STK33: variants seen among roughly 807,000 people sequenced by gnomAD.
STK33 encodes serine/threonine-protein kinase 33.
STK33 carries 52 observed loss-of-function variants against 58.0 expected under a neutral mutation model. The ratio of observed to expected loss-of-function variants is 0.90; its 90% CI spans 0.72 to 1.13. The LOEUF (loss-of-function observed/expected upper bound fraction) is 1.13. Ranked by LOEUF, STK33 falls within the 50% of genes most tolerant of loss-of-function variation. The pLI is 0.00. For missense variants in STK33, 630 were observed against 604.2 expected, an observed-to-expected ratio of 1.04 and a Z score of -0.45; for synonymous variants, 215 against 200.1, an observed-to-expected ratio of 1.07 and a Z score of -0.63.
At chr11:8,493,575 A>T in intron 1 of STK33, among the ~76,000 whole-genome samples, 1 of 152,182 alleles carries the variant, frequency 6.6e-6, no homozygotes, top group South Asian at 2.1e-4. Flanking sequence ...GAAAAAGAGA[A>T]AATCCTCCCT....
intron 13 of STK33, among the ~76,000 whole-genome samples, 198 bp from the exon 14 acceptor site, chr11:8,435,777 T>C (rs1943987959): frequency 6.6e-6 from 1 of 152,226 alleles, no homozygotes; most frequent in Non-Finnish European, 1.5e-5. Flanking sequence ...CCTAGTTTAA[T>C]GGTCTATAGT....
chr11:8,438,155 A>C (rs1050388258), intron 12 of STK33, among the ~76,000 whole-genome samples: 2 of 152,190 alleles, frequency 1.3e-5, no homozygotes, highest in Admixed American at 6.5e-5. Flanking sequence ...CATCTTAAAA[A>C]ATTCACTTTT....
chr11:8,514,684 C>T (rs1952620584), intron 1 of STK33, among the ~76,000 whole-genome samples: 1 of 152,196 alleles, frequency 6.6e-6, no homozygotes, highest in South Asian at 2.1e-4. Context: ...ACTGGTTATA[C>T]CCACAGGCGC....
chr11:8,491,066 C>G (rs1476781644), intron 1 of STK33, among the ~76,000 whole-genome samples: 1 of 152,146 alleles, frequency 6.6e-6, no homozygotes, highest in Non-Finnish European at 1.5e-5. Flanking sequence ...TCGCCAGTAA[C>G]AGAACAAAGC....
chr11:8,338,157 T>G, the STK33 span, among the ~76,000 whole-genome samples: 327 of 152,322 alleles, frequency 2.1e-3, no homozygotes, highest in Non-Finnish European at 3.0e-3. Flanking sequence ...AACAAATAAA[T>G]TGTCCAGTGT....
the STK33 span, among the ~76,000 whole-genome samples, chr11:8,349,444 C>G: frequency 6.6e-6 from 1 of 152,226 alleles, no homozygotes; most frequent in Non-Finnish European, 1.5e-5. Context: ...CATCCCAGGC[C>G]TCACATGCAG....
intron 1 of STK33, among the ~76,000 whole-genome samples, chr11:8,563,899 A>C (rs1030507632): frequency 6.6e-6 from 1 of 152,150 alleles, no homozygotes; most frequent in South Asian, 2.1e-4. Flanking sequence ...GGCAGATTTG[A>C]GGAAATTAAA....
chr11:8,418,826 G>C (rs549343795), intron 14 of STK33, among the ~76,000 whole-genome samples: 1 of 152,114 alleles, frequency 6.6e-6, no homozygotes, highest in East Asian at 1.9e-4. Flanking sequence ...GTCTTGATTT[G>C]AATTTCTCTA....
intron 1 of STK33, among the ~76,000 whole-genome samples, chr11:8,543,684 T>C (rs527518245): frequency 2.4e-4 from 37 of 152,204 alleles, no homozygotes; most frequent in Non-Finnish European, 4.0e-4. Flanking sequence ...TACTATTTGA[T>C]AGCACAACAG....
At chr11:8,405,367 C>T (rs1045049111) in intron 15 of STK33, among the ~76,000 whole-genome samples, 3 of 152,168 alleles carry the variant, frequency 2.0e-5, no homozygotes, top group Non-Finnish European at 4.4e-5. Context: ...TGCTTATTGA[C>T]TACTTGTATA....
At chr11:8,375,435 T>C in the STK33 span, among the ~76,000 whole-genome samples, 2 of 152,220 alleles carry the variant, frequency 1.3e-5, no homozygotes, top group African/African-American at 2.4e-5. Flanking sequence ...GATATACTCC[T>C]GGAACTTGTG....
chr11:8,380,134 G>A, the STK33 span, among the ~76,000 whole-genome samples: 1 of 152,070 alleles, frequency 6.6e-6, no homozygotes, highest in Non-Finnish European at 1.5e-5. Context: ...TATTCCTTTG[G>A]GTATATACCC....
the STK33 span, among the ~76,000 whole-genome samples, chr11:8,354,054 T>C: frequency 6.6e-6 from 1 of 152,136 alleles, no homozygotes; most frequent in African/African-American, 2.4e-5. Flanking sequence ...GGCACGAGTG[T>C]CCTGCCCTGC....
chr11:8,369,899 A>G, the STK33 span, among the ~76,000 whole-genome samples: 2 of 152,210 alleles, frequency 1.3e-5, no homozygotes, highest in Non-Finnish European at 2.9e-5. Flanking sequence ...ACTGTCGCCA[A>G]CCTGCACACC....
intron 1 of STK33, among the ~76,000 whole-genome samples, chr11:8,522,784 C>G (rs1324262024): frequency 6.6e-6 from 1 of 152,084 alleles, no homozygotes; most frequent in Non-Finnish European, 1.5e-5. Flanking sequence ...TTCCTCTTTC[C>G]TTTCTACGGT....
At chr11:8,348,338 A>G in the STK33 span, among the ~76,000 whole-genome samples, 1 of 152,144 alleles carries the variant, frequency 6.6e-6, no homozygotes, top group African/African-American at 2.4e-5. Context: ...CAGGAGACTT[A>G]CAATCTTGGC....
intron 1 of STK33, among the ~76,000 whole-genome samples, chr11:8,493,713 A>G (rs1480867286): frequency 6.6e-6 from 1 of 152,210 alleles, no homozygotes; most frequent in East Asian, 1.9e-4. Context: ...ATACTGGCAA[A>G]CTGAATCCAG....
At chr11:8,573,494 AG>A (rs558623394) in intron 1 of STK33, among the ~76,000 whole-genome samples, 337 of 152,366 alleles carry the variant, frequency 2.2e-3, no homozygotes, top group Non-Finnish European at 2.0e-3. Context: ...CATGTACAAT[AG>A]TACAGCCACT....
At chr11:8,440,563 T>A in intron 12 of STK33, 115 bp downstream of exon 12, 1 of 833,646 alleles carries the variant, frequency 1.2e-6, no homozygotes, top group Non-Finnish European at 1.7e-6. Context: ...GATCTCCCAA[T>A]TGGTTTTTAA....
Sources: allele counts gnomAD v4.1 joint callset (sites outside exome capture counted in the v4.1 genomes callset), GRCh38; gene constraint gnomAD v4.1.1; transcripts MANE v1.5; gene names NCBI Gene and HGNC (gene_info 2026-07-23, HGNC 2026-07-21).